Variants in DNAH14 observed in about 807,000 individuals in gnomAD.
The protein encoded by DNAH14 is dynein axonemal heavy chain 14.
Under a neutral mutation model 520.9 loss-of-function variants are expected in DNAH14, and 478 were observed. The observed-to-expected ratio is 0.92, with a 90% CI of 0.85 to 0.99. The LOEUF is 0.99. Among genes scored for constraint, DNAH14 ranks in the 50% least tolerant of loss-of-function variants. The pLI is 0.00. For missense variants in DNAH14, 4,831 were observed against 5,234.5 expected (o/e 0.92, Z 2.38); for synonymous variants, 1,581 against 1,757.2 (o/e 0.90, Z 2.51).
rs1572740007 is a variant in DNAH14 at position 225,056,217 on chromosome 1, T to C, written c.2424+4422T>C. On this transcript the variant is annotated intron_variant, in intron 17 of 85. Coordinates refer to ENST00000682510, the MANE Select transcript of DNAH14 (RefSeq NM_001367479.1). Reference sequence around the variant, plus strand: ...CACCTGTTGTTTCCTGACTTTTTAATGATTGCCATTCTAACTGGTGTGAGA... The same window carrying C: ...CACCTGTTGTTTCCTGACTTTTTAACGATTGCCATTCTAACTGGTGTGAGA... 2.6e-5 allele frequency among the ~76,000 whole-genome samples: 4 copies of C among 152,278 alleles called. 1 individual carries two copies. The highest frequency in any genetic ancestry group is 6.8e-3 in the Middle Eastern group (2 of 294).
At position 225,002,876 on chromosome 1, in the gene DNAH14, C is replaced by A. The variant is rs925445098; in HGVS notation, c.924C>A (p.Leu308=). The change falls in exon 9 of 86, where the codon CTC becomes CTA. Residue 308 remains leucine, a synonymous_variant. Coordinates refer to ENST00000682510, the MANE Select transcript of DNAH14 (RefSeq NM_001367479.1). Reference sequence around the variant, plus strand: ...GACTTTGTGAAGATGCAATTAATCTCAAAAATTATAATGACCATGAAAATA... The same window carrying A: ...GACTTTGTGAAGATGCAATTAATCTAAAAAATTATAATGACCATGAAAATA... ...IRGLCEDAIN[L]KNYNDHENNL... 22 of 1,549,314 alleles carry A rather than the reference C, an allele frequency of 1.4e-5. No individual in the cohort carries two copies. The highest frequency in any genetic ancestry group is 4.9e-5 in the East Asian group (2 of 40,716).
At chr1:225,351,426 T>G (rs2095365013) in intron 71 of DNAH14, among the ~76,000 whole-genome samples, 1 of 152,086 alleles carries the variant, frequency 6.6e-6, no homozygotes, top group South Asian at 2.1e-4. Context: ...CATGATAAAT[T>G]TACTTATATT....
intron 17 of DNAH14, among the ~76,000 whole-genome samples, chr1:225,068,674 A>G (rs1221676523): frequency 6.6e-6 from 1 of 151,980 alleles, no homozygotes; most frequent in African/African-American, 2.4e-5. Flanking sequence ...TCCCTAGTTA[A>G]CTGTATTCCT....
At chr1:225,097,041 C>A in intron 21 of DNAH14, 77 bp from the exon 22 acceptor site, 1 of 1,220,446 alleles carries the variant, frequency 8.2e-7, no homozygotes, top group Non-Finnish European at 1.1e-6. Flanking sequence ...CACCTTTGAT[C>A]TGTTTCTGTT....
chr1:225,253,125 C>T (rs926117010), intron 44 of DNAH14, among the ~76,000 whole-genome samples: 2 of 152,176 alleles, frequency 1.3e-5, no homozygotes. Context: ...AGAGTTTTAA[C>T]TCTACATTTG....
intron 21 of DNAH14, among the ~76,000 whole-genome samples, chr1:225,089,281 T>TAAAAATA (rs1022768597): frequency 1.3e-5 from 2 of 151,534 alleles, no homozygotes; most frequent in African/African-American, 4.8e-5. Context: ...TTGTCTCTAC[T>TAAAAATA]AAAAATACAA....
chr1:225,185,486 T>C (rs191669417), intron 37 of DNAH14, 61 bp downstream of exon 37: 69 of 1,425,926 alleles, frequency 4.8e-5, no homozygotes, highest in South Asian at 1.5e-5. Flanking sequence ...TACACTTTAA[T>C]ATTTTATGTT....
chr1:225,044,943 T>C (rs959057705), intron 15 of DNAH14, among the ~76,000 whole-genome samples: 1 of 102,826 alleles, frequency 9.7e-6, no homozygotes, highest in Non-Finnish European at 2.4e-5. Flanking sequence ...ATAGATTTGT[T>C]CTACTGCCTT....
intron 20 of DNAH14, among the ~76,000 whole-genome samples, chr1:225,083,013 CAG>C (rs1281668397): frequency 6.6e-6 from 1 of 151,954 alleles, no homozygotes; most frequent in East Asian, 1.9e-4. Flanking sequence ...CATTATTTAA[CAG>C]TGCTATTTAT....
At chr1:225,103,206 G>A (rs1389916327) in intron 23 of DNAH14, among the ~76,000 whole-genome samples, 1 of 152,116 alleles carries the variant, frequency 6.6e-6, no homozygotes, top group African/African-American at 2.4e-5. Flanking sequence ...TTGTAGATAT[G>A]GGACATTATT....
intron 76 of DNAH14, 90 bp from the exon 77 acceptor site, chr1:225,367,715 C>A: frequency 1.2e-6 from 1 of 856,172 alleles, no homozygotes; most frequent in Non-Finnish European, 1.8e-6. Context: ...TTGCCCAGTT[C>A]TTTTACCAGT....
At chr1:225,049,349 C>G (rs1168124990) in intron 15 of DNAH14, among the ~76,000 whole-genome samples, 1 of 151,968 alleles carries the variant, frequency 6.6e-6, no homozygotes, top group African/African-American at 2.4e-5. Context: ...GCAGGGGCCA[C>G]CACACCCAGC....
chr1:225,264,108 C>T (rs1035155822), intron 46 of DNAH14, 89 bp from the exon 47 acceptor site: 1 of 1,116,236 alleles, frequency 9.0e-7, no homozygotes, highest in Non-Finnish European at 1.3e-6. Context: ...AAGTAAAATT[C>T]ACAATATGCT....
At chr1:225,102,716 C>T (rs7533616) in intron 23 of DNAH14, among the ~76,000 whole-genome samples, 19,677 of 152,010 alleles carry the variant, frequency 0.13, 3,905 homozygotes, top group African/African-American at 0.43. Context: ...TCATATCCTT[C>T]GCCCACTTTT....
intron 34 of DNAH14, among the ~76,000 whole-genome samples, chr1:225,155,818 C>G (rs778928676): frequency 2.0e-5 from 3 of 151,936 alleles, no homozygotes; most frequent in Non-Finnish European, 4.4e-5. Context: ...CTTTAAAGCA[C>G]CACAGAAGCC....
intron 67 of DNAH14, among the ~76,000 whole-genome samples, chr1:225,337,859 A>G (rs1021947404): frequency 1.3e-5 from 2 of 152,180 alleles, no homozygotes; most frequent in African/African-American, 4.8e-5. Context: ...ATCTTTTGTT[A>G]CAAACAATCG....
intron 21 of DNAH14, among the ~76,000 whole-genome samples, chr1:225,087,036 A>G (rs1189019625): frequency 5.0e-5 from 7 of 140,508 alleles, no homozygotes; most frequent in African/African-American, 1.9e-4. Context: ...ACACACACAC[A>G]GCCTTCTACT....
intron 1 of DNAH14, among the ~76,000 whole-genome samples, chr1:224,949,321 CGTGTGTGTGCAT>C (rs1041878954): frequency 6.6e-6 from 1 of 151,472 alleles, no homozygotes; most frequent in Admixed American, 6.6e-5. Flanking sequence ...GGTGTGTGTG[CGTGTGTGTGCAT>C]GTGTGTGTGT....
chr1:225,076,845 G>A (rs1224926168), intron 17 of DNAH14, among the ~76,000 whole-genome samples: 1 of 151,728 alleles, frequency 6.6e-6, no homozygotes, highest in African/African-American at 2.4e-5. Context: ...TGCACAATGT[G>A]CAGGTTTGAT....
Sources: allele counts gnomAD v4.1 joint callset (sites outside exome capture counted in the v4.1 genomes callset), GRCh38; gene constraint gnomAD v4.1.1; transcripts MANE v1.5; gene names NCBI Gene and HGNC (gene_info 2026-07-23, HGNC 2026-07-21).